Variants in BMP6 observed in about 807,000 individuals in gnomAD.
BMP6 encodes the protein bone morphogenetic protein 6, also known as VG-1-R.
Under a neutral mutation model 54.1 loss-of-function variants are expected in BMP6, and 17 were observed. The observed-to-expected ratio is 0.31, with a 90% CI of 0.22 to 0.47. The LOEUF (loss-of-function observed/expected upper bound fraction) is 0.47, where lower values mean the gene tolerates loss of function less well. Among genes scored for constraint, BMP6 ranks in the 20% least tolerant of loss-of-function variants. The pLI is 1.00. For missense variants in BMP6, 720 were observed against 690.4 expected (o/e 1.04, Z -0.48); for synonymous variants, 328 against 291.2 (o/e 1.13, Z -1.28).
chr6:7,792,255 C>A (rs1309232027), intron 1 of BMP6, among the ~76,000 whole-genome samples: 1 of 152,150 alleles, frequency 6.6e-6, no homozygotes, highest in African/African-American at 2.4e-5. Flanking sequence ...GGGTGGTCTC[C>A]TTTGCTTAAA....
intron 1 of BMP6, among the ~76,000 whole-genome samples, chr6:7,742,022 A>T (rs1164191761): frequency 6.6e-6 from 1 of 152,256 alleles, no homozygotes; most frequent in Non-Finnish European, 1.5e-5. Context: ...AAACTGGTGT[A>T]TGCCGTCTCC....
At chr6:7,831,917 G>C (rs1005930539) in intron 1 of BMP6, among the ~76,000 whole-genome samples, 1 of 152,166 alleles carries the variant, frequency 6.6e-6, no homozygotes. Flanking sequence ...ACCCAGCCCT[G>C]GCTCACACGT....
intron 1 of BMP6, among the ~76,000 whole-genome samples, chr6:7,743,862 C>A (rs1336733770): frequency 6.6e-6 from 1 of 152,340 alleles, no homozygotes; most frequent in Admixed American, 6.5e-5. Flanking sequence ...TAAACTCTTA[C>A]CTAAGTGCTT....
intron 1 of BMP6, among the ~76,000 whole-genome samples, chr6:7,751,540 A>G (rs1332699430): frequency 2.0e-5 from 3 of 152,220 alleles, no homozygotes; most frequent in African/African-American, 7.2e-5. Context: ...GGGTTGACAC[A>G]TATATTTTCT....
chr6:7,756,752 G>A (rs907448107), intron 1 of BMP6, among the ~76,000 whole-genome samples: 1 of 152,188 alleles, frequency 6.6e-6, no homozygotes, highest in Non-Finnish European at 1.5e-5. Flanking sequence ...GATTCAGACA[G>A]GCCTTTATTT....
chr6:7,842,384 C>G (rs951010771), intron 1 of BMP6, among the ~76,000 whole-genome samples: 7 of 152,158 alleles, frequency 4.6e-5, no homozygotes, highest in African/African-American at 1.7e-4. Context: ...TCTCTCTCTT[C>G]TCCCACCCAC....
intron 1 of BMP6, among the ~76,000 whole-genome samples, chr6:7,803,676 G>A (rs562145337): frequency 4.3e-4 from 66 of 152,080 alleles, no homozygotes; most frequent in Non-Finnish European, 7.9e-4. Flanking sequence ...AGATGTGATC[G>A]CCCTTCTCTG....
rs543386869 is a variant in BMP6, at chr6:7,753,885, C to T, written c.664+26266C>T. Among the ~76,000 whole-genome samples the T allele has an allele frequency of 2.6e-5, 4 of 152,128 alleles. No individual in the cohort carries two copies. The South Asian group carries it at 6.2e-4, about 24-fold the overall frequency. On this transcript the variant is annotated intron_variant, in intron 1 of 6. Coordinates refer to ENST00000283147, the MANE Select transcript of BMP6 (RefSeq NM_001718.6). ...TATTTAGAAGTATGCTGTTTAATTT[C>T]GAAATATTTGGGGATTTACTGATTT...
intron 1 of BMP6, among the ~76,000 whole-genome samples, chr6:7,785,708 G>A (rs1330018828): frequency 6.6e-6 from 1 of 152,196 alleles, no homozygotes; most frequent in Non-Finnish European, 1.5e-5. Flanking sequence ...AAAAAAGTCT[G>A]TTTATGGAGG....
Position 7,726,652 on chromosome 6 carries a change from C to G in BMP6, c.-304C>G, listed in dbSNP as rs1407986248. 2 of 157,148 alleles carry G rather than the reference C, an allele frequency of 1.3e-5. No individual in the cohort carries two copies. The highest frequency in any genetic ancestry group is 4.8e-5 in the African/African-American group (2 of 41,580). 9.7% of individuals were successfully genotyped at this position (157,148 alleles called of 1,614,324 possible). ...CCAGGGCGCAGGCTGCAGTGCAGCC[C>G]GGACTCAGACGCACCTGGCCTGGAC... is the stretch of plus-strand genomic sequence containing the variant. On this transcript the variant is annotated 5_prime_UTR_variant, in exon 1 of 7. Coordinates refer to ENST00000283147, the MANE Select transcript of BMP6 (RefSeq NM_001718.6).
intron 1 of BMP6, among the ~76,000 whole-genome samples, chr6:7,744,474 T>C (rs1757318782): frequency 6.6e-6 from 1 of 152,162 alleles, no homozygotes; most frequent in Admixed American, 6.5e-5. Context: ...AGACTCCATC[T>C]CAAAACAAAA....
intron 1 of BMP6, among the ~76,000 whole-genome samples, chr6:7,768,841 CTTG>C (rs1190398717): frequency 3.3e-5 from 5 of 152,174 alleles, no homozygotes; most frequent in African/African-American, 7.2e-5. Flanking sequence ...TTGTGGCTTT[CTTG>C]TTGTACTCAT....
At chr6:7,852,596 T>A (rs1385138476) in intron 2 of BMP6, among the ~76,000 whole-genome samples, 1 of 152,136 alleles carries the variant, frequency 6.6e-6, no homozygotes, top group Non-Finnish European at 1.5e-5. Flanking sequence ...TTTTTAATTT[T>A]AAAAATCTTA....
At chr6:7,743,335 G>GT (rs775731501) in intron 1 of BMP6, among the ~76,000 whole-genome samples, 8 of 152,212 alleles carry the variant, frequency 5.3e-5, no homozygotes, top group Admixed American at 1.3e-4. Flanking sequence ...CAAGGTTAAT[G>GT]TGTCTTGACA....
intron 1 of BMP6, among the ~76,000 whole-genome samples, chr6:7,767,136 G>C (rs1581238758): frequency 6.6e-6 from 1 of 151,884 alleles, no homozygotes; most frequent in South Asian, 2.1e-4. Flanking sequence ...ACAGGTGCCG[G>C]CCACCACACC....
chr6:7,849,604 T>C (rs1561791122), intron 2 of BMP6, among the ~76,000 whole-genome samples: 1 of 152,230 alleles, frequency 6.6e-6, no homozygotes, highest in Admixed American at 6.5e-5. Flanking sequence ...TTGAGGTCTT[T>C]AGAGAATATC....
At chr6:7,832,025 C>T (rs935689175) in intron 1 of BMP6, among the ~76,000 whole-genome samples, 2 of 152,056 alleles carry the variant, frequency 1.3e-5, no homozygotes, top group Non-Finnish European at 2.9e-5. Context: ...GGCTTGCAGC[C>T]CAGCAGGTTA....
intron 4 of BMP6, among the ~76,000 whole-genome samples, chr6:7,863,314 G>A (rs1019958512): frequency 6.6e-6 from 1 of 152,122 alleles, no homozygotes; most frequent in Non-Finnish European, 1.5e-5. Flanking sequence ...TCTGTCTTTA[G>A]GCATGGCTGG....
At chr6:7,819,919 T>C (rs1758582109) in intron 1 of BMP6, among the ~76,000 whole-genome samples, 1 of 152,246 alleles carries the variant, frequency 6.6e-6, no homozygotes, top group Admixed American at 6.5e-5. Context: ...TTTCTAGTCA[T>C]CTGAGAGTAT....
Sources: allele counts gnomAD v4.1 joint callset (sites outside exome capture counted in the v4.1 genomes callset), GRCh38; gene constraint gnomAD v4.1.1; transcripts MANE v1.5; gene names NCBI Gene and HGNC (gene_info 2026-07-23, HGNC 2026-07-21).